The following RNF220 variants were observed in gnomAD, a reference collection of about 807,000 sequenced individuals.
RNF220 encodes ring finger protein 220, also known as E3 ubiquitin-protein ligase RNF220.
A neutral mutation model predicts 67.1 loss-of-function variants in RNF220; 7 were observed. The ratio of observed to expected loss-of-function variants is 0.10; its 90% confidence interval spans 0.06 to 0.20. The LOEUF is 0.20. Among genes scored for constraint, RNF220 ranks in the 10% least tolerant of loss-of-function variants. The probability of loss-of-function intolerance (pLI) is 1.00; values close to 1 mark genes in which losing one functional copy is unlikely to be tolerated. For synonymous variants in RNF220, 270 were observed against 283.2 expected (o/e 0.95, Z 0.47); for missense variants, 565 against 740.3 (o/e 0.76, Z 2.75).
intron 3 of RNF220, among the ~76,000 whole-genome samples, chr1:44,619,063 G>C (rs925985122): frequency 2.0e-5 from 3 of 151,712 alleles, no homozygotes; most frequent in African/African-American, 7.3e-5. Flanking sequence ...GACATAGATA[G>C]ATGGGGGCTG....
At chr1:44,488,727 C>CTTTTTTTT (rs55968850) in intron 2 of RNF220, among the ~76,000 whole-genome samples, 237 of 102,568 alleles carry the variant, frequency 2.3e-3, no homozygotes, top group South Asian at 3.5e-3. Flanking sequence ...TTTCTTTTTT[C>CTTTTTTTT]TTTTTTTTTT....
At chr1:44,479,545 T>C (rs1313304361) in intron 2 of RNF220, among the ~76,000 whole-genome samples, 1 of 152,172 alleles carries the variant, frequency 6.6e-6, no homozygotes, top group Non-Finnish European at 1.5e-5. Flanking sequence ...AGAACCTTGC[T>C]CTTAAGTTTT....
Position 44,621,032 on chromosome 1 carries a change from C to G in RNF220, c.759-1710C>G, listed in dbSNP as rs550178237. Among the ~76,000 whole-genome samples, 5 of 151,974 alleles carry G rather than the reference C, an allele frequency of 3.3e-5. No homozygotes were observed. The East Asian group carries it at 9.7e-4, about 29-fold the overall frequency. ...CTGGATTCAAGCGATTCTCCTGCCT[C>G]AGCCTCCCGAGTAGCTGGGATTACA... On this transcript the variant is annotated intron_variant, in intron 3 of 14. Coordinates refer to ENST00000361799, the MANE Select transcript of RNF220 (RefSeq NM_018150.4). The surrounding 1 kb of genome is among the most constrained non-coding windows in gnomAD (Gnocchi z 4.8).
intron 2 of RNF220, among the ~76,000 whole-genome samples, chr1:44,452,261 C>T (rs1271906139): frequency 6.6e-6 from 1 of 151,996 alleles, no homozygotes; most frequent in African/African-American, 2.4e-5. Context: ...TTTAAAAAAC[C>T]TTATGAGGCC....
intron 2 of RNF220, among the ~76,000 whole-genome samples, chr1:44,506,222 G>A (rs1022958390): frequency 1.9e-4 from 29 of 152,250 alleles, no homozygotes; most frequent in African/African-American, 6.8e-4. Context: ...GTCAGAGAGG[G>A]CTGGGTATGC....
At chr1:44,585,937 C>T (rs373715966) in intron 2 of RNF220, among the ~76,000 whole-genome samples, 32 of 152,210 alleles carry the variant, frequency 2.1e-4, no homozygotes, top group African/African-American at 7.0e-4. Context: ...GGCTGTAGAC[C>T]CGAATCTACC....
chr1:44,484,433 CA>C (rs1656100477), intron 2 of RNF220, among the ~76,000 whole-genome samples: 1 of 152,000 alleles, frequency 6.6e-6, no homozygotes. Flanking sequence ...CAAACTGCCG[CA>C]CAGTGGGTAG....
rs1045164072 is a variant in RNF220, at chr1:44,645,740, C to T, written c.1445+252C>T. Among the ~76,000 whole-genome samples, 6 of 152,228 alleles carry T rather than the reference C, an allele frequency of 3.9e-5. No individual in the cohort carries two copies. Among genetic ancestry groups the T allele is most frequent in the Admixed American group, 6.5e-5 (1 of 15,294 alleles). On this transcript the variant is annotated intron_variant, in intron 12 of 14. Transcript: ENST00000361799. The surrounding 1 kb of genome is among the most constrained non-coding windows in gnomAD (Gnocchi z 5.0). ...CCACCCGCCTGCCTGCCTGCCTGCC[C>T]GCCTGCTGCGGCGGCCTTCGCCCGG...
intron 2 of RNF220, among the ~76,000 whole-genome samples, chr1:44,591,717 A>G (rs933260915): frequency 6.6e-6 from 1 of 152,192 alleles, no homozygotes; most frequent in Non-Finnish European, 1.5e-5. Context: ...CGCAGAAAGA[A>G]GGCCCATGGG....
At chr1:44,471,811 C>T (rs150416436) in intron 2 of RNF220, among the ~76,000 whole-genome samples, 8 of 148,302 alleles carry the variant, frequency 5.4e-5, no homozygotes, top group Admixed American at 2.7e-4. Flanking sequence ...GCAACAAGAA[C>T]GAAACTCCAT....
At chr1:44,646,375 G>A (rs1310090647) in intron 12 of RNF220, among the ~76,000 whole-genome samples, 6 of 152,254 alleles carry the variant, frequency 3.9e-5, no homozygotes, top group East Asian at 3.8e-4. Flanking sequence ...TATCTCGGCC[G>A]GGGCCGCGAG....
chr1:44,474,213 A>G (rs1168260548), intron 2 of RNF220, among the ~76,000 whole-genome samples: 1 of 151,796 alleles, frequency 6.6e-6, no homozygotes, highest in East Asian at 1.9e-4. Flanking sequence ...CGTCTCTACT[A>G]AAAATACAAA....
intron 2 of RNF220, among the ~76,000 whole-genome samples, chr1:44,563,058 G>C (rs539597480): frequency 6.6e-6 from 1 of 152,360 alleles, no homozygotes; most frequent in East Asian, 1.9e-4. Flanking sequence ...CACGAATGAA[G>C]TGCTTTGGTG....
At chr1:44,463,267 A>G (rs926954673) in intron 2 of RNF220, among the ~76,000 whole-genome samples, 4 of 152,004 alleles carry the variant, frequency 2.6e-5, no homozygotes, top group Admixed American at 2.6e-4. Flanking sequence ...CCCGGGAGGC[A>G]GAAGCTGCAG....
chr1:44,413,111 C>A (rs775442400), intron 2 of RNF220, among the ~76,000 whole-genome samples: 9 of 152,110 alleles, frequency 5.9e-5, no homozygotes, highest in Admixed American at 3.3e-4. Context: ...TTGCTGTCCT[C>A]GTTATGTTTG....
At chr1:44,646,770 T>C (rs17387413) in intron 12 of RNF220, among the ~76,000 whole-genome samples, 34,654 of 152,168 alleles carry the variant, frequency 0.23, 5,269 homozygotes, top group Middle Eastern at 0.33. Flanking sequence ...CAGGGATCTC[T>C]ATGATGAGGT....
chr1:44,478,227 G>A (rs1387651731), intron 2 of RNF220, among the ~76,000 whole-genome samples: 1 of 152,018 alleles, frequency 6.6e-6, no homozygotes, highest in East Asian at 1.9e-4. Flanking sequence ...TGATCTCCCT[G>A]CCTCCGCCTC....
chr1:44,458,527 T>C (rs1264044980), intron 2 of RNF220, among the ~76,000 whole-genome samples: 1 of 152,128 alleles, frequency 6.6e-6, no homozygotes. Flanking sequence ...TATAAAGCCT[T>C]AATATACTGC....
chr1:44,580,083 A>G (rs557046767), intron 2 of RNF220, among the ~76,000 whole-genome samples: 2 of 150,978 alleles, frequency 1.3e-5, no homozygotes, highest in East Asian at 1.9e-4. Context: ...AAGAAAGAAA[A>G]GAAAAGAAAA....
Sources: allele counts gnomAD v4.1 joint callset (sites outside exome capture counted in the v4.1 genomes callset), GRCh38; gene constraint gnomAD v4.1.1; non-coding constraint Gnocchi (gnomAD v3.1); transcripts MANE v1.5; gene names NCBI Gene and HGNC (gene_info 2026-07-23, HGNC 2026-07-21).